The following CNTNAP5 variants were observed in gnomAD, a reference collection of about 807,000 sequenced individuals.
The protein encoded by CNTNAP5 is contactin-associated protein-like 5.
CNTNAP5 carries 72 observed loss-of-function variants against 150.2 expected under a neutral mutation model. That is an observed-to-expected ratio of 0.48 (90% CI 0.40 to 0.58). The LOEUF is 0.58. Ranked by LOEUF, CNTNAP5 falls within the 20% of genes least tolerant of loss-of-function variation. The probability of loss-of-function intolerance (pLI) is 0.00; values close to 1 mark genes in which losing one functional copy is unlikely to be tolerated. For missense variants in CNTNAP5, 1,636 were observed against 1,626.2 expected, an observed-to-expected ratio of 1.01 and a Z score of -0.10; for synonymous variants, 672 against 619.8, an observed-to-expected ratio of 1.08 and a Z score of -1.25.
rs72968742 is a variant in CNTNAP5 at position 124,513,044 on chromosome 2, G to A, written c.1327+8488G>A. 5.4e-3 allele frequency among the ~76,000 whole-genome samples: 817 copies of A among 152,194 alleles called. 5 individuals are homozygous for A. The highest frequency in any genetic ancestry group is 0.019 in the African/African-American group (772 of 41,530). ...TTTCTTTGGTTTTCTTCTTTTTAAC[G>A]TTTGTTACTAAGTATGTATATGTAT... On this transcript the variant is annotated intron_variant, in intron 8 of 23. Transcript: ENST00000682447.
chr2:124,354,649 T>A (rs960101038), intron 3 of CNTNAP5, among the ~76,000 whole-genome samples: 2 of 152,190 alleles, frequency 1.3e-5, no homozygotes, highest in African/African-American at 4.8e-5. Flanking sequence ...CAAAAGCTAT[T>A]TGAGCCAGTT....
chr2:124,507,381 C>G (rs1694435259), intron 8 of CNTNAP5, among the ~76,000 whole-genome samples: 1 of 151,958 alleles, frequency 6.6e-6, no homozygotes, highest in Non-Finnish European at 1.5e-5. Flanking sequence ...TCAGCTGAGC[C>G]CAGGGAGGCC....
intron 13 of CNTNAP5, among the ~76,000 whole-genome samples, chr2:124,652,819 T>C (rs1288910073): frequency 6.6e-6 from 1 of 152,132 alleles, no homozygotes; most frequent in African/African-American, 2.4e-5. Context: ...CCTCTTGCAC[T>C]CACCACTCCA....
At chr2:124,768,609 A>G (rs776708399) in intron 16 of CNTNAP5, among the ~76,000 whole-genome samples, 2 of 152,024 alleles carry the variant, frequency 1.3e-5, no homozygotes, top group Non-Finnish European at 2.9e-5. Context: ...TACTGTGATT[A>G]CCACCACACA....
chr2:124,518,025 G>A (rs1307076459), intron 8 of CNTNAP5, among the ~76,000 whole-genome samples: 3 of 151,852 alleles, frequency 2.0e-5, no homozygotes, highest in Admixed American at 6.6e-5. Flanking sequence ...GTGAGCAGGC[G>A]TGCTGCTACA....
At position 124,527,389 on chromosome 2, in the gene CNTNAP5, T is replaced by G; in HGVS notation, c.1582T>G (p.Ser528Ala). Residue 528 changes from serine to alanine, a missense_variant, in exon 10 of 24, where the codon TCA (serine) becomes GCA (alanine). Transcript: ENST00000682447. ...TGATAACCAGCCCAAGGACCTCATT[T>G]CAGTTCAGCAAGGTTCCCTGGGGAA... ...FIDNQPKDLI[S>A]VQQGSLGNFS... The G allele has an allele frequency of 6.2e-7, 1 of 1,613,826 alleles. No individual in the cohort carries two copies. Among genetic ancestry groups the G allele is most frequent in the Non-Finnish European group, 8.5e-7 (1 of 1,179,732 alleles).
chr2:124,601,637 G>C (rs775721258), intron 11 of CNTNAP5, among the ~76,000 whole-genome samples: 2 of 152,152 alleles, frequency 1.3e-5, no homozygotes, highest in African/African-American at 2.4e-5. Flanking sequence ...CATGAATGAA[G>C]TATTGCGTCA....
intron 3 of CNTNAP5, among the ~76,000 whole-genome samples, chr2:124,405,161 T>C (rs965082239): frequency 6.6e-6 from 1 of 152,132 alleles, no homozygotes. Flanking sequence ...TTCTTGCCAT[T>C]AATCTCTCTG....
Position 124,057,580 on chromosome 2 carries a change from G to A in CNTNAP5, c.82+31848G>A, listed in dbSNP as rs184756140. Among the ~76,000 whole-genome samples, 50 of 150,402 alleles carry A rather than the reference G, an allele frequency of 3.3e-4. 1 individual carries two copies. Among genetic ancestry groups the A allele is most frequent in the Admixed American group, 2.5e-3 (37 of 14,992 alleles). On this transcript the variant is annotated intron_variant, in intron 1 of 23. Coordinates refer to ENST00000682447, the MANE Select transcript of CNTNAP5 (RefSeq NM_001367498.1). The stretch of plus-strand genomic sequence containing the variant: ...GCTGGGATTACAGGCATGAGCCACC[G>A]CTCCTGGCCAACAAGTCCATTCTTA...
intron 2 of CNTNAP5, among the ~76,000 whole-genome samples, chr2:124,228,768 A>G (rs1170072041): frequency 6.6e-6 from 1 of 152,126 alleles, no homozygotes. Context: ...CTTCTACTCT[A>G]CACCATTCAG....
At chr2:124,896,377 G>T (rs1678304871) in intron 21 of CNTNAP5, among the ~76,000 whole-genome samples, 1 of 151,250 alleles carries the variant, frequency 6.6e-6, no homozygotes. Context: ...ACTAATATTG[G>T]CTTGACACTT....
chr2:124,513,865 C>G (rs1225050594), intron 8 of CNTNAP5, among the ~76,000 whole-genome samples: 1 of 152,156 alleles, frequency 6.6e-6, no homozygotes, highest in Non-Finnish European at 1.5e-5. Context: ...GGCTACGGCC[C>G]TGCAGTTAAC....
chr2:124,466,175 A>G (rs1261238366), intron 6 of CNTNAP5, among the ~76,000 whole-genome samples: 1 of 152,134 alleles, frequency 6.6e-6, no homozygotes, highest in Admixed American at 6.6e-5. Context: ...TCAAGAAAAT[A>G]ATTTTCTTTA....
At chr2:124,076,674 A>G (rs1456851593) in intron 1 of CNTNAP5, among the ~76,000 whole-genome samples, 1 of 152,028 alleles carries the variant, frequency 6.6e-6, no homozygotes, top group Non-Finnish European at 1.5e-5. Flanking sequence ...TTTTCAGGAG[A>G]GTGCATTAAC....
At chr2:124,347,608 C>G (rs1035188809) in intron 3 of CNTNAP5, among the ~76,000 whole-genome samples, 1 of 152,148 alleles carries the variant, frequency 6.6e-6, no homozygotes, top group African/African-American at 2.4e-5. Flanking sequence ...CCTATGATCC[C>G]TGTCTATTGA....
chr2:124,613,760 G>A (rs1407389387), intron 12 of CNTNAP5, among the ~76,000 whole-genome samples: 1 of 152,152 alleles, frequency 6.6e-6, no homozygotes, highest in East Asian at 1.9e-4. Context: ...CTTCAGGAGG[G>A]GAGTTCCCCA....
chr2:124,691,812 G>A (rs1679306340), intron 13 of CNTNAP5, among the ~76,000 whole-genome samples: 1 of 152,000 alleles, frequency 6.6e-6, no homozygotes, highest in African/African-American at 2.4e-5. Flanking sequence ...GCAATGAGGG[G>A]TTGTCTGTGA....
At chr2:124,152,040 A>C (rs1346103120) in intron 1 of CNTNAP5, among the ~76,000 whole-genome samples, 5 of 152,192 alleles carry the variant, frequency 3.3e-5, no homozygotes, top group Non-Finnish European at 7.4e-5. Context: ...TGACTCATTA[A>C]ATTAAACTTG....
chr2:124,862,159 T>C (rs907159734), intron 19 of CNTNAP5, among the ~76,000 whole-genome samples: 4 of 152,220 alleles, frequency 2.6e-5, no homozygotes, highest in Admixed American at 2.0e-4. Flanking sequence ...AAGGCTCAAA[T>C]CTCTTTTATT....
Sources: allele counts gnomAD v4.1 joint callset (sites outside exome capture counted in the v4.1 genomes callset), GRCh38; gene constraint gnomAD v4.1.1; transcripts MANE v1.5; gene names NCBI Gene and HGNC (gene_info 2026-07-23, HGNC 2026-07-21).